Variants in PARP8 observed in about 807,000 individuals in gnomAD.
PARP8 encodes protein mono-ADP-ribosyltransferase PARP8.
In PARP8, 51 loss-of-function variants were observed where a neutral mutation model predicts 124.1. The observed-to-expected ratio is 0.41, with a 90% CI of 0.33 to 0.52. The LOEUF is 0.52. PARP8 is among the 20% of genes least tolerant of loss of function. The pLI is 0.21. For synonymous variants in PARP8, 391 were observed against 361.5 expected (o/e 1.08, Z -0.93); for missense variants, 860 against 1,018.9 (o/e 0.84, Z 2.12).
chr5:50,735,818 G>A (rs1249842784), intron 2 of PARP8, among the ~76,000 whole-genome samples: 2 of 151,948 alleles, frequency 1.3e-5, no homozygotes, highest in African/African-American at 4.8e-5. Context: ...GGTTGGTATA[G>A]GGCTTTATAA....
At chr5:50,826,057 T>C (rs1746316750) in intron 18 of PARP8, among the ~76,000 whole-genome samples, 1 of 152,162 alleles carries the variant, frequency 6.6e-6, no homozygotes, top group Non-Finnish European at 1.5e-5. Flanking sequence ...ATATTCAGAT[T>C]GAAGGTAAAA....
chr5:50,760,211 G>T, intron 4 of PARP8, 81 bp from the exon 5 acceptor site: 1 of 1,234,194 alleles, frequency 8.1e-7, no homozygotes, highest in Non-Finnish European at 1.1e-6. Context: ...CTAAAGGGTA[G>T]TTTTATACCA....
chr5:50,698,113 CTTT>C (rs1753222940), intron 2 of PARP8, among the ~76,000 whole-genome samples: 1 of 152,168 alleles, frequency 6.6e-6, no homozygotes, highest in Admixed American at 6.5e-5. Context: ...TTCATGAAGA[CTTT>C]TGGTGTCATG....
At chr5:50,814,686 G>C (rs575654365) in intron 14 of PARP8, among the ~76,000 whole-genome samples, 2 of 152,222 alleles carry the variant, frequency 1.3e-5, no homozygotes, top group African/African-American at 2.4e-5. Context: ...AGAAGTAAGC[G>C]TAGGAGCAGT....
At chr5:50,748,096 G>GT (rs1410756911) in intron 2 of PARP8, among the ~76,000 whole-genome samples, 1 of 151,630 alleles carries the variant, frequency 6.6e-6, no homozygotes, top group African/African-American at 2.4e-5. Flanking sequence ...TGTTCCTTCT[G>GT]TTTTTTGTTC....
At chr5:50,710,645 G>A (rs1312537262) in intron 2 of PARP8, among the ~76,000 whole-genome samples, 3 of 152,122 alleles carry the variant, frequency 2.0e-5, no homozygotes, top group African/African-American at 7.2e-5. Context: ...ACCTTTTAGA[G>A]AGAAATAAGG....
At chr5:50,768,801 A>C (rs577013666) in intron 7 of PARP8, among the ~76,000 whole-genome samples, 19 of 152,296 alleles carry the variant, frequency 1.2e-4, no homozygotes, top group Non-Finnish European at 1.9e-4. Flanking sequence ...GCATCTGGAC[A>C]AACTGTAATC....
At chr5:50,667,306 G>T in intron 1 of PARP8, 120 bp downstream of exon 1, 2 of 1,055,198 alleles carry the variant, frequency 1.9e-6, no homozygotes, top group East Asian at 2.5e-5. Flanking sequence ...GGTTCATTTG[G>T]CAACAGCTGC....
chr5:50,826,653 T>G (rs1580477627), intron 18 of PARP8, 102 bp from the exon 19 acceptor site: 3 of 1,396,806 alleles, frequency 2.1e-6, no homozygotes, highest in South Asian at 3.0e-5. Flanking sequence ...AAGTTTAGTT[T>G]ATGGCACAGC....
chr5:50,668,080 A>G lies in PARP8; in HGVS notation c.101A>G (p.Tyr34Cys). Reference sequence around the variant, plus strand: ...GGACTTTCTGTTTCAGATTTCAGATACTCTGACTCCACCTTTACTTTTACC... The same window carrying G: ...GGACTTTCTGTTTCAGATTTCAGATGCTCTGACTCCACCTTTACTTTTACC... Reference protein sequence around the residue: ...EKDCLFADFRYSDSTFTFTYV... With the variant: ...EKDCLFADFRCSDSTFTFTYV... Residue 34 changes from tyrosine to cysteine, a missense_variant, in exon 2 of 26, where the codon TAC becomes TGC. Physicochemically the swap from Tyr to Cys is radical, Grantham distance 194 (BLOSUM62 -2). Transcript: ENST00000281631. 2 of 1,611,888 alleles carry G rather than the reference A, an allele frequency of 1.2e-6. No homozygotes were observed. Among genetic ancestry groups the G allele is most frequent in the South Asian group, 2.2e-5 (2 of 90,982 alleles).
At chr5:50,771,512 A>G (rs749142545) in intron 7 of PARP8, among the ~76,000 whole-genome samples, 1 of 152,032 alleles carries the variant, frequency 6.6e-6, no homozygotes, top group Non-Finnish European at 1.5e-5. Flanking sequence ...AGGCTACCTT[A>G]TATTTGGATA....
At chr5:50,731,099 G>C (rs902987720) in intron 2 of PARP8, among the ~76,000 whole-genome samples, 1 of 152,184 alleles carries the variant, frequency 6.6e-6, no homozygotes, top group Admixed American at 6.5e-5. Flanking sequence ...AGAAAACCTG[G>C]CTCTGCTTCT....
chr5:50,797,290 G>T lies in PARP8; in HGVS notation c.1575+57G>T, dbSNP rs980524784. ...GTTTAGAATATAGAAATATAGAAAAGATTTGAAATATAAAAATAAGTAAAT... is the reference window on the plus strand; with the variant it reads ...GTTTAGAATATAGAAATATAGAAAATATTTGAAATATAAAAATAAGTAAAT... On this transcript the variant is annotated intron_variant, in intron 14 of 25. Transcript: ENST00000281631. 4.1e-5 allele frequency: 50 copies of T among 1,206,486 alleles called. No homozygotes were observed. The African/African-American group carries it at 6.5e-4, about 16-fold the overall frequency. The allele number at this position is 1,206,486 out of a possible 1,614,324, so 74.7% of individuals were successfully genotyped here. A position where few individuals can be genotyped will look rare whatever the true frequency, so the allele number is the denominator to read the frequency against.
chr5:50,739,055 C>G (rs1757759092), intron 2 of PARP8: 1 of 702,526 alleles, frequency 1.4e-6, no homozygotes, highest in Non-Finnish European at 2.6e-6. Flanking sequence ...CTTCCTCATT[C>G]ACATCTAGGA....
chr5:50,825,678 A>G (rs1242456814), intron 18 of PARP8, among the ~76,000 whole-genome samples: 2 of 151,888 alleles, frequency 1.3e-5, no homozygotes, highest in Non-Finnish European at 1.5e-5. Context: ...TTTTATACAC[A>G]TGTCTCTTTG....
At chr5:50,800,997 A>G (rs1743151376) in intron 14 of PARP8, among the ~76,000 whole-genome samples, 2 of 151,912 alleles carry the variant, frequency 1.3e-5, no homozygotes, top group South Asian at 4.2e-4. Context: ...GGCTCAAGGA[A>G]TCCTCCTGCC....
At chr5:50,807,072 T>G (rs1743927904) in intron 14 of PARP8, among the ~76,000 whole-genome samples, 1 of 151,902 alleles carries the variant, frequency 6.6e-6, no homozygotes, top group African/African-American at 2.4e-5. Context: ...AAAGTTAGAC[T>G]GTCCCATGTT....
chr5:50,723,413 G>C (rs1756107304), intron 2 of PARP8, among the ~76,000 whole-genome samples: 2 of 152,036 alleles, frequency 1.3e-5, no homozygotes, highest in Non-Finnish European at 2.9e-5. Flanking sequence ...TGATGATTAT[G>C]ATGATGGCAA....
intron 2 of PARP8, among the ~76,000 whole-genome samples, chr5:50,709,026 A>G (rs568140189): frequency 6.6e-5 from 10 of 152,122 alleles, no homozygotes; most frequent in Admixed American, 2.0e-4. Flanking sequence ...GCCTCAAGCA[A>G]TCTTCCCACC....
Sources: gnomAD v4.1 joint callset for allele counts (sites outside exome capture counted in the v4.1 genomes callset) on GRCh38, gnomAD v4.1.1 for gene constraint, MANE v1.5 for transcripts, NCBI Gene and HGNC (gene_info 2026-07-23, HGNC 2026-07-21) for gene names.